The following GSE1 variants were observed in gnomAD, a reference collection of about 807,000 sequenced individuals.
GSE1 encodes genetic suppressor element 1.
In GSE1, 32 loss-of-function variants were observed where a neutral mutation model predicts 112.6. The observed-to-expected ratio is 0.28, with a 90% CI of 0.21 to 0.38. The LOEUF is 0.38. Ranked by LOEUF, GSE1 falls within the 10% of genes least tolerant of loss-of-function variation. The pLI, the probability that GSE1 is intolerant of heterozygous loss-of-function variation, is 1.00. For missense variants in GSE1, 2,348 were observed against 1,699.2 expected (o/e 1.38, Z -6.71); for synonymous variants, 1,115 against 735.6 (o/e 1.52, Z -8.35).
chr16:85,590,272 T>G (rs114582332), intron 1 of GSE1, among the ~76,000 whole-genome samples: 3 of 137,598 alleles, frequency 2.2e-5, no homozygotes, highest in Non-Finnish European at 4.7e-5. Context: ...GAGTGTGAAC[T>G]TGTGTGAACA....
chr16:85,555,867 C>A, upstream of GSE1: 5 of 707,204 alleles, frequency 7.1e-6, no homozygotes, highest in Non-Finnish European at 8.5e-6. Flanking sequence ...AAGATCTTAA[C>A]CCCCCAATTT....
chr16:85,672,387 A>C lies in GSE1; in HGVS notation c.3520-18A>C. ...AGAGGAAACGGGTTGGTTTTGACAC[A>C]AATTTCCCTCTCTCCAGGAGTTGAG... On this transcript the variant is annotated intron_variant, in intron 15 of 15. Coordinates refer to ENST00000253458, the MANE Select transcript of GSE1 (RefSeq NM_014615.5). The C allele has an allele frequency of 1.2e-6, 2 of 1,602,716 alleles. No individual in the cohort carries two copies. The highest frequency in any genetic ancestry group is 1.7e-6 in the Non-Finnish European group (2 of 1,170,580).
At chr16:85,461,440 G>A (rs960403580) in intron 2 of GSE1, among the ~76,000 whole-genome samples, 1 of 152,116 alleles carries the variant, frequency 6.6e-6, no homozygotes, top group South Asian at 2.1e-4. Context: ...GGGAGCTTTA[G>A]AAACTACCAA....
chr16:85,391,843 T>TAGA (rs1399199518), intron 2 of GSE1, among the ~76,000 whole-genome samples: 2 of 152,184 alleles, frequency 1.3e-5, no homozygotes, highest in Admixed American at 1.3e-4. Context: ...GATGGCTCTA[T>TAGA]AGAACCCTGT....
chr16:85,534,501 G>A lies in GSE1; in HGVS notation c.2465-99413G>A, dbSNP rs971547344. On this transcript the variant is annotated intron_variant, in intron 2 of 2. Coordinates refer to the GSE1 transcript ENST00000637419. ...TGCAGTACCTTTTTGTGACTGGCTC[G>A]TTTTACCCAGTGCAGCATCCTCAGA... Among the ~76,000 whole-genome samples the A allele has an allele frequency of 5.9e-5, 9 of 152,254 alleles. 1 individual carries two copies. The highest frequency in any genetic ancestry group is 1.3e-4 in the Admixed American group (2 of 15,286).
exon 1 of GSE1, chr16:85,556,143 CGGG>C: frequency 2.3e-6 from 2 of 860,060 alleles, no homozygotes; most frequent in African/African-American, 1.9e-5. Context: ...TCTTGCGGGG[CGGG>C]GGGGGGAAAG....
intron 2 of GSE1, among the ~76,000 whole-genome samples, chr16:85,491,885 T>G (rs1167766478): frequency 6.6e-6 from 1 of 152,170 alleles, no homozygotes; most frequent in Non-Finnish European, 1.5e-5. Context: ...CTGTGGCCTG[T>G]GTTGACACCA....
At chr16:85,379,588 TCTTA>T (rs2047500874) in intron 2 of GSE1, among the ~76,000 whole-genome samples, 1 of 152,208 alleles carries the variant, frequency 6.6e-6, no homozygotes, top group South Asian at 2.1e-4. Flanking sequence ...CCATCCAAGG[TCTTA>T]CTTAGAAGCA....
intron 1 of GSE1, among the ~76,000 whole-genome samples, chr16:85,302,192 G>A (rs995299522): frequency 1.3e-5 from 2 of 152,180 alleles, no homozygotes; most frequent in Non-Finnish European, 2.9e-5. Flanking sequence ...AAGAGAGAGA[G>A]AGAGGACTCG....
At chr16:85,652,195 C>A (rs1401621528) in intron 3 of GSE1, among the ~76,000 whole-genome samples, 23 of 152,252 alleles carry the variant, frequency 1.5e-4, no homozygotes, top group Admixed American at 1.5e-3. Context: ...GCCGTGCCAT[C>A]AACTCTGCTG....
chr16:85,613,514 C>T (rs2048139585), intron 1 of GSE1, 116 bp downstream of exon 1: 8 of 947,560 alleles, frequency 8.4e-6, no homozygotes, highest in South Asian at 3.3e-5. Context: ...CGGGCAACTT[C>T]CCCGGAGTGT....
intron 1 of GSE1, among the ~76,000 whole-genome samples, chr16:85,344,353 GC>G (rs2046688035): frequency 6.6e-6 from 1 of 152,162 alleles, no homozygotes; most frequent in Non-Finnish European, 1.5e-5. Context: ...CGTTGCTTTT[GC>G]CCGGAACCCT....
chr16:85,514,423 G>C (rs2051852479), intron 2 of GSE1, among the ~76,000 whole-genome samples: 1 of 107,528 alleles, frequency 9.3e-6, no homozygotes, highest in African/African-American at 4.0e-5. Flanking sequence ...GCATGCTCTC[G>C]AGTCCCCCCC....
rs2053039384 is a variant in GSE1 at position 85,668,219 on chromosome 16, C to T, written c.3210C>T (p.Ser1070=). Residue 1070 remains serine, a synonymous_variant, in exon 14 of 16, where the codon TCC becomes TCT. Transcript: ENST00000253458. ...ACTACAACATTCCTGAGCTGCAGTC[C>T]TCCAGCCGCGCCCCTCCACCCCAGC... ...SVHYNIPELQ[S]SSRAPPPQHN... The T allele has an allele frequency of 1.2e-6, 2 of 1,610,702 alleles. No homozygotes were observed. The highest frequency in any genetic ancestry group is 1.3e-5 in the African/African-American group (1 of 74,856).
In GSE1 at chr16:85,556,565, C is replaced by T. The variant is rs1027657342; in HGVS notation, c.37+202C>T. Among the ~76,000 whole-genome samples, 3 of 151,598 alleles carry T rather than the reference C, an allele frequency of 2.0e-5. No individual in the cohort carries two copies. In the East Asian group the frequency reaches 5.9e-4, roughly 30 times the overall value. Reference sequence around the variant, plus strand: ...GCGCGGCTACGTGCGGCGGGGAGCGCCCACCTGGCCCGCCGCCCCCATCGC... The same window carrying T: ...GCGCGGCTACGTGCGGCGGGGAGCGTCCACCTGGCCCGCCGCCCCCATCGC... On this transcript the variant is annotated intron_variant, in intron 1 of 2. Coordinates refer to the GSE1 transcript ENST00000635906.
intron 2 of GSE1, among the ~76,000 whole-genome samples, chr16:85,470,280 C>A (rs901306894): frequency 1.3e-5 from 2 of 152,180 alleles, no homozygotes; most frequent in African/African-American, 4.8e-5. Context: ...CGGGGGTCTT[C>A]CCACTGACTT....
At chr16:85,206,494 T>C (rs1468888501) in intron 1 of GSE1, among the ~76,000 whole-genome samples, 1 of 151,940 alleles carries the variant, frequency 6.6e-6, no homozygotes, top group Non-Finnish European at 1.5e-5. Context: ...CTGAACTGGG[T>C]CTCGATGGGG....
chr16:85,403,599 G>A (rs1567739212), intron 2 of GSE1, among the ~76,000 whole-genome samples: 1 of 152,024 alleles, frequency 6.6e-6, no homozygotes. Context: ...ACACCAGCCT[G>A]GGCAACATAG....
At chr16:85,443,861 C>T (rs959883072) in intron 2 of GSE1, among the ~76,000 whole-genome samples, 4 of 152,068 alleles carry the variant, frequency 2.6e-5, no homozygotes, top group African/African-American at 7.2e-5. Context: ...AGGATGAGAT[C>T]GCGCCCACTC....
Sources: allele counts gnomAD v4.1 joint callset (sites outside exome capture counted in the v4.1 genomes callset), GRCh38; gene constraint gnomAD v4.1.1; transcripts MANE v1.5; gene names NCBI Gene and HGNC (gene_info 2026-07-23, HGNC 2026-07-21).